ANKRD30B: variants seen among roughly 807,000 people sequenced by gnomAD.
The protein encoded by ANKRD30B is ankyrin repeat domain 30B.
ANKRD30B carries 144 observed loss-of-function variants against 202.2 expected under a neutral mutation model. The ratio of observed to expected loss-of-function variants is 0.71; its 90% CI spans 0.62 to 0.82. The LOEUF (loss-of-function observed/expected upper bound fraction) is 0.82, where lower values mean the gene tolerates loss of function less well. ANKRD30B is among the 40% of genes least tolerant of loss of function. ANKRD30B has a pLI of 0.00. For missense variants in ANKRD30B, 1,487 were observed against 1,669.1 expected (o/e 0.89, Z 1.90); for synonymous variants, 508 against 561.3 (o/e 0.91, Z 1.34).
chr18:14,751,353 T>C (rs1310020335), intron 1 of ANKRD30B, among the ~76,000 whole-genome samples: 1 of 152,126 alleles, frequency 6.6e-6, no homozygotes, highest in African/African-American at 2.4e-5. Context: ...ATGCCTATTA[T>C]GTAGAAGATA....
the ANKRD30B span, among the ~76,000 whole-genome samples, chr18:14,899,897 T>A: frequency 6.6e-6 from 1 of 152,142 alleles, no homozygotes; most frequent in Non-Finnish European, 1.5e-5. Context: ...ATGAACTTAT[T>A]TACATAATAG....
rs1389275395 is a variant in ANKRD30B at position 14,757,796 on chromosome 18, T to C, written c.618-19T>C. The C allele has an allele frequency of 1.2e-6, 2 of 1,608,508 alleles. No individual in the cohort carries two copies. Among genetic ancestry groups the C allele is most frequent in the African/African-American group, 1.3e-5 (1 of 74,656 alleles). On this transcript the variant is annotated intron_variant, in intron 4 of 43. Coordinates refer to ENST00000690538, the MANE Select transcript of ANKRD30B (RefSeq NM_001367607.2). ...TAAATTGATTCTGCTCATAATAAGT[T>C]ATCTCTTTGTTATTTTAGCACAGCC...
the ANKRD30B span, among the ~76,000 whole-genome samples, chr18:14,875,505 CAAT>C: frequency 8.8e-4 from 134 of 152,082 alleles, no homozygotes; most frequent in Middle Eastern, 3.4e-3. Flanking sequence ...CTGGCATAGT[CAAT>C]AAGTGTTAAA....
chr18:14,923,976 T>A, the ANKRD30B span, among the ~76,000 whole-genome samples: 3 of 152,286 alleles, frequency 2.0e-5, no homozygotes, highest in African/African-American at 7.2e-5. Context: ...TCATGGCTTG[T>A]TCTTAGTTTC....
intron 37 of ANKRD30B, among the ~76,000 whole-genome samples, chr18:14,842,667 C>T (rs1315283334): frequency 1.3e-5 from 2 of 152,258 alleles, no homozygotes; most frequent in African/African-American, 4.8e-5. Flanking sequence ...AACACATTCT[C>T]ACTTTTGAAG....
At chr18:14,899,082 A>C in the ANKRD30B span, among the ~76,000 whole-genome samples, 1 of 152,166 alleles carries the variant, frequency 6.6e-6, no homozygotes. Flanking sequence ...AATATTTTTA[A>C]TCTTGTCATT....
At chr18:14,898,996 G>A in the ANKRD30B span, among the ~76,000 whole-genome samples, 4 of 152,076 alleles carry the variant, frequency 2.6e-5, no homozygotes, top group Non-Finnish European at 5.9e-5. Flanking sequence ...GCCTAAGACA[G>A]AATATTGTTC....
chr18:14,908,252 A>C, the ANKRD30B span, among the ~76,000 whole-genome samples: 7 of 152,192 alleles, frequency 4.6e-5, no homozygotes, highest in Non-Finnish European at 1.0e-4. Context: ...CTCACAGTTC[A>C]TCTTTCCTAG....
the ANKRD30B span, among the ~76,000 whole-genome samples, chr18:14,884,247 C>A: frequency 6.9e-6 from 1 of 144,888 alleles, no homozygotes; most frequent in African/African-American, 2.5e-5. Context: ...ATGGAGAGGT[C>A]CATGTGGTAA....
chr18:14,767,725 T>C (rs1916475489), intron 7 of ANKRD30B, among the ~76,000 whole-genome samples: 1 of 145,700 alleles, frequency 6.9e-6, no homozygotes, highest in Non-Finnish European at 1.5e-5. Context: ...GCAGATAGCA[T>C]ATGCAAAGGA....
the ANKRD30B span, among the ~76,000 whole-genome samples, chr18:14,863,253 G>A: frequency 1.2e-4 from 4 of 34,624 alleles, no homozygotes; most frequent in Admixed American, 2.4e-4. Context: ...TTAAACGTTG[G>A]TGGTGGGCCT....
intron 15 of ANKRD30B, among the ~76,000 whole-genome samples, chr18:14,790,169 A>T (rs189748147): frequency 6.6e-6 from 1 of 152,206 alleles, no homozygotes; most frequent in Non-Finnish European, 1.5e-5. Context: ...ATGGGAGTTC[A>T]CTCATGATTT....
intron 1 of ANKRD30B, among the ~76,000 whole-genome samples, chr18:14,748,968 AC>A (rs1912958963): frequency 1.3e-5 from 2 of 152,262 alleles, no homozygotes; most frequent in Non-Finnish European, 2.9e-5. Flanking sequence ...AAAATTAAGT[AC>A]ATACAGGGTT....
At chr18:14,806,877 C>A (rs1192657507) in intron 24 of ANKRD30B, among the ~76,000 whole-genome samples, 1 of 150,698 alleles carries the variant, frequency 6.6e-6, no homozygotes, top group Non-Finnish European at 1.5e-5. Flanking sequence ...TTAATGGTAT[C>A]ATTTCCTATA....
At chr18:14,832,750 T>A (rs1320631753) in intron 34 of ANKRD30B, among the ~76,000 whole-genome samples, 1 of 152,240 alleles carries the variant, frequency 6.6e-6, no homozygotes, top group Non-Finnish European at 1.5e-5. Context: ...TATATTTTCT[T>A]TTAATATTTA....
the ANKRD30B span, among the ~76,000 whole-genome samples, chr18:14,927,644 C>A: frequency 6.6e-6 from 1 of 152,136 alleles, no homozygotes; most frequent in South Asian, 2.1e-4. Flanking sequence ...ATTTGGTCAC[C>A]TCCTCCTCCT....
intron 8 of ANKRD30B, 113 bp from the exon 9 acceptor site, chr18:14,772,043 A>T (rs1967034064): frequency 3.8e-6 from 2 of 530,750 alleles, no homozygotes; most frequent in Non-Finnish European, 6.4e-6. Context: ...GTCTTTCCCC[A>T]GATTTTGTTT....
the ANKRD30B span, among the ~76,000 whole-genome samples, chr18:14,879,704 G>C: frequency 6.6e-6 from 1 of 151,608 alleles, no homozygotes; most frequent in Non-Finnish European, 1.5e-5. Flanking sequence ...GTGAGGGTGA[G>C]GGTTGGGGTT....
At chr18:14,797,564 A>T in intron 18 of ANKRD30B, 97 bp from the exon 19 acceptor site, 1 of 1,357,048 alleles carries the variant, frequency 7.4e-7, no homozygotes, top group Non-Finnish European at 1.1e-6. Context: ...TTCCAATCCA[A>T]GCATGAGGAT....
Sources: gnomAD v4.1 joint callset for allele counts (sites outside exome capture counted in the v4.1 genomes callset) on GRCh38, gnomAD v4.1.1 for gene constraint, MANE v1.5 for transcripts, NCBI Gene and HGNC (gene_info 2026-07-23, HGNC 2026-07-21) for gene names.